KIAA1217: variants seen among roughly 807,000 people sequenced by gnomAD.
The protein encoded by KIAA1217 is sickle tail protein homolog.
Under a neutral mutation model 163.9 loss-of-function variants are expected in KIAA1217, and 88 were observed. The observed-to-expected ratio is 0.54, with a 90% confidence interval of 0.45 to 0.64. The LOEUF (loss-of-function observed/expected upper bound fraction) is 0.64. KIAA1217 is among the 30% of genes least tolerant of loss of function. The pLI, the probability that KIAA1217 is intolerant of heterozygous loss-of-function variation, is 0.00. For synonymous variants in KIAA1217, 903 were observed against 923.1 expected, an observed-to-expected ratio of 0.98 and a Z score of 0.39; for missense variants, 2,372 against 2,475.0, an observed-to-expected ratio of 0.96 and a Z score of 0.88.
At chr10:24,172,647 T>C (rs1328892408) in intron 2 of KIAA1217, among the ~76,000 whole-genome samples, 2 of 152,198 alleles carry the variant, frequency 1.3e-5, no homozygotes, top group African/African-American at 4.8e-5. Context: ...TAAGACTATA[T>C]AGGTGCTGGC....
At chr10:24,415,882 C>G (rs990070207) in intron 3 of KIAA1217, among the ~76,000 whole-genome samples, 1 of 151,922 alleles carries the variant, frequency 6.6e-6, no homozygotes, top group African/African-American at 2.4e-5. Flanking sequence ...AGGCTGCCAG[C>G]AGATCCACAC....
chr10:24,366,848 A>G (rs16924654), intron 2 of KIAA1217, among the ~76,000 whole-genome samples: 3,093 of 152,324 alleles, frequency 0.02, 108 homozygotes, highest in African/African-American at 0.069. Context: ...TTAATATGAC[A>G]CATTCTCCAA....
intron 2 of KIAA1217, among the ~76,000 whole-genome samples, chr10:24,322,341 G>T (rs2044281879): frequency 6.6e-6 from 1 of 152,148 alleles, no homozygotes; most frequent in African/African-American, 2.4e-5. Flanking sequence ...TAGCGGCCTG[G>T]GCAGCAGCAA....
At chr10:23,841,956 C>T (rs952786946) in intron 1 of KIAA1217, among the ~76,000 whole-genome samples, 1 of 151,992 alleles carries the variant, frequency 6.6e-6, no homozygotes, top group Non-Finnish European at 1.5e-5. Context: ...CAACCTCTGC[C>T]TCCCAGGTTC....
intron 2 of KIAA1217, among the ~76,000 whole-genome samples, chr10:24,298,078 A>G (rs1221616071): frequency 6.6e-6 from 1 of 152,178 alleles, no homozygotes; most frequent in Non-Finnish European, 1.5e-5. Context: ...AAAATTAAAT[A>G]TATGCTAAAT....
chr10:24,402,422 T>C (rs1189619744), intron 3 of KIAA1217, among the ~76,000 whole-genome samples: 1 of 150,178 alleles, frequency 6.7e-6, no homozygotes. Flanking sequence ...GGCAGTAGAA[T>C]GGCGTGAACC....
At chr10:23,755,312 G>A (rs781367457) in intron 1 of KIAA1217, among the ~76,000 whole-genome samples, 2 of 152,060 alleles carry the variant, frequency 1.3e-5, no homozygotes, top group Non-Finnish European at 2.9e-5. Flanking sequence ...TAATATATAC[G>A]ACAGTTCTTC....
chr10:24,405,582 T>C (rs2057120125), intron 3 of KIAA1217, among the ~76,000 whole-genome samples: 1 of 152,208 alleles, frequency 6.6e-6, no homozygotes, highest in Non-Finnish European at 1.5e-5. Context: ...ACTTGAAATA[T>C]TTTTATGATT....
chr10:24,411,851 TTA>T (rs2057806024), intron 3 of KIAA1217, among the ~76,000 whole-genome samples: 1 of 152,096 alleles, frequency 6.6e-6, no homozygotes, highest in Non-Finnish European at 1.5e-5. Flanking sequence ...TTGAAAACTT[TTA>T]GTTTTCTTTG....
chr10:24,528,755 C>T (rs2134933844), intron 14 of KIAA1217, among the ~76,000 whole-genome samples: 1 of 151,918 alleles, frequency 6.6e-6, no homozygotes, highest in Non-Finnish European at 1.5e-5. Flanking sequence ...TGATACTTCA[C>T]AGCAAGAGCT....
At chr10:23,970,315 G>A (rs1845261674) in intron 1 of KIAA1217, among the ~76,000 whole-genome samples, 1 of 152,168 alleles carries the variant, frequency 6.6e-6, no homozygotes, top group Non-Finnish European at 1.5e-5. Flanking sequence ...CTTTTAAAAA[G>A]AAGAAAAGTT....
At chr10:23,859,020 G>A (rs1348929149) in intron 1 of KIAA1217, among the ~76,000 whole-genome samples, 1 of 152,212 alleles carries the variant, frequency 6.6e-6, no homozygotes. Flanking sequence ...TTCTAAGCCA[G>A]TGGAGCACAA....
intron 1 of KIAA1217, among the ~76,000 whole-genome samples, chr10:23,942,222 A>G (rs1235274258): frequency 6.6e-6 from 1 of 152,346 alleles, no homozygotes; most frequent in East Asian, 1.9e-4. Flanking sequence ...AGAAACTGTC[A>G]ATGAGATGCC....
intron 1 of KIAA1217, among the ~76,000 whole-genome samples, chr10:23,756,635 GTTGT>G (rs987268457): frequency 6.6e-6 from 1 of 152,096 alleles, no homozygotes; most frequent in Non-Finnish European, 1.5e-5. Flanking sequence ...TAAATCTTAG[GTTGT>G]TTGAGCCATT....
At chr10:24,072,316 A>G (rs938726918) in intron 2 of KIAA1217, among the ~76,000 whole-genome samples, 6 of 152,132 alleles carry the variant, frequency 3.9e-5, no homozygotes, top group Non-Finnish European at 8.8e-5. Context: ...AGCATGAACC[A>G]CCACACCCAT....
At chr10:23,828,900 A>G (rs533003580) in intron 1 of KIAA1217, among the ~76,000 whole-genome samples, 48 of 152,314 alleles carry the variant, frequency 3.2e-4, no homozygotes, top group African/African-American at 1.2e-3. Context: ...CTTTACATAT[A>G]TATCTCACAG....
intron 2 of KIAA1217, among the ~76,000 whole-genome samples, chr10:24,376,725 G>A (rs942344691): frequency 6.6e-6 from 1 of 152,100 alleles, no homozygotes; most frequent in African/African-American, 2.4e-5. Context: ...TCTTACCACT[G>A]CACTCCAGCC....
chr10:24,367,054 T>G (rs2050885136), intron 2 of KIAA1217: 1 of 580,112 alleles, frequency 1.7e-6, no homozygotes, highest in South Asian at 7.6e-5. Context: ...CAACCTATTC[T>G]TTTTCTCTTC....
At chr10:23,906,613 A>C (rs375639392) in intron 1 of KIAA1217, among the ~76,000 whole-genome samples, 5 of 152,150 alleles carry the variant, frequency 3.3e-5, no homozygotes, top group African/African-American at 9.6e-5. Flanking sequence ...TAAACTACTT[A>C]AGAAAGTTGA....
Sources: allele counts gnomAD v4.1 joint callset (sites outside exome capture counted in the v4.1 genomes callset), GRCh38; gene constraint gnomAD v4.1.1; transcripts MANE v1.5; gene names NCBI Gene and HGNC (gene_info 2026-07-23, HGNC 2026-07-21).